TENM2: variants seen among roughly 807,000 people sequenced by gnomAD.
TENM2 encodes teneurin transmembrane protein 2.
In TENM2, 52 loss-of-function variants were observed where a neutral mutation model predicts 245.2. The ratio of observed to expected loss-of-function variants is 0.21; its 90% CI spans 0.17 to 0.27. TENM2 has a LOEUF of 0.27. TENM2 is among the 10% of genes least tolerant of loss of function. The pLI, the probability that TENM2 is intolerant of heterozygous loss-of-function variation, is 1.00. For synonymous variants in TENM2, 1,363 were observed against 1,438.9 expected (o/e 0.95, Z 1.19); for missense variants, 3,046 against 3,666.8 (o/e 0.83, Z 4.37).
At chr5:167,501,684 T>C (rs2127557294) in intron 2 of TENM2, among the ~76,000 whole-genome samples, 1 of 152,244 alleles carries the variant, frequency 6.6e-6, no homozygotes, top group African/African-American at 2.4e-5. Flanking sequence ...CTGAATCAGG[T>C]TGAGAAAGTG....
chr5:168,029,680 C>T (rs147762568), intron 5 of TENM2, among the ~76,000 whole-genome samples: 5 of 152,336 alleles, frequency 3.3e-5, no homozygotes, highest in African/African-American at 1.2e-4. Flanking sequence ...TCCTGTCATG[C>T]CACTTTGAGC....
intron 2 of TENM2, among the ~76,000 whole-genome samples, chr5:167,702,552 G>GTGTATATATATATATA (rs58351767): frequency 1.3e-4 from 18 of 136,774 alleles, no homozygotes; most frequent in South Asian, 1.1e-3. Context: ...GTGTGTGTGT[G>GTGTATATATATATATA]TATATATATA....
At chr5:167,909,237 G>A (rs1583337791) in intron 3 of TENM2, among the ~76,000 whole-genome samples, 1 of 152,000 alleles carries the variant, frequency 6.6e-6, no homozygotes, top group Non-Finnish European at 1.5e-5. Context: ...TCCTGTGTCC[G>A]AGTTTACAGT....
chr5:167,880,229 C>T (rs534936980), intron 3 of TENM2, among the ~76,000 whole-genome samples: 1 of 152,084 alleles, frequency 6.6e-6, no homozygotes, highest in African/African-American at 2.4e-5. Flanking sequence ...AATGGGGTTT[C>T]ACCATGTTGG....
chr5:167,533,808 A>T (rs1172619399), intron 2 of TENM2, among the ~76,000 whole-genome samples: 1 of 152,126 alleles, frequency 6.6e-6, no homozygotes, highest in Non-Finnish European at 1.5e-5. Context: ...AGGGGATGCA[A>T]CAGAAATGGA....
At chr5:167,562,233 G>T (rs2127642613) in intron 2 of TENM2, among the ~76,000 whole-genome samples, 1 of 152,262 alleles carries the variant, frequency 6.6e-6, no homozygotes, top group East Asian at 1.9e-4. Flanking sequence ...TAGGAAAATT[G>T]AACATAGAGA....
At chr5:168,069,858 T>C (rs248004) in intron 7 of TENM2, among the ~76,000 whole-genome samples, 34,565 of 152,100 alleles carry the variant, frequency 0.23, 4,261 homozygotes, top group Admixed American at 0.35. Flanking sequence ...GGGGATCTTC[T>C]TGAACGTGTC....
chr5:167,083,014 C>CAA, the TENM2 span, among the ~76,000 whole-genome samples: 25 of 143,204 alleles, frequency 1.7e-4, no homozygotes, highest in Middle Eastern at 3.5e-3. Context: ...ATGAAATTGG[C>CAA]AAAAAAAAAA....
chr5:167,343,698 A>T (rs779086180), intron 1 of TENM2, among the ~76,000 whole-genome samples: 98 of 152,332 alleles, frequency 6.4e-4, no homozygotes, highest in Non-Finnish European at 1.2e-3. Context: ...TTTTTAAAAA[A>T]ATGAATTAAC....
chr5:167,587,897 G>A (rs948245258), intron 2 of TENM2, among the ~76,000 whole-genome samples: 5 of 151,966 alleles, frequency 3.3e-5, no homozygotes, highest in Non-Finnish European at 7.4e-5. Flanking sequence ...TCCCCCCTTA[G>A]CCCGTGAGCC....
chr5:167,376,055 T>A (rs889348478), intron 2 of TENM2, among the ~76,000 whole-genome samples: 1 of 152,190 alleles, frequency 6.6e-6, no homozygotes, highest in East Asian at 1.9e-4. Flanking sequence ...AGGTTAATGG[T>A]TTCCCCCATC....
chr5:167,012,098 G>A, the TENM2 span, among the ~76,000 whole-genome samples: 1 of 152,060 alleles, frequency 6.6e-6, no homozygotes, highest in Non-Finnish European at 1.5e-5. Context: ...AGAACCTTAA[G>A]GGATTTTATT....
intron 3 of TENM2, among the ~76,000 whole-genome samples, chr5:167,917,711 T>C (rs1262043192): frequency 1.3e-5 from 2 of 152,134 alleles, no homozygotes; most frequent in African/African-American, 2.4e-5. Flanking sequence ...TACAAGTTCA[T>C]AGTTGAGTTG....
chr5:167,552,839 T>C (rs1465907519), intron 2 of TENM2, among the ~76,000 whole-genome samples: 1 of 152,210 alleles, frequency 6.6e-6, no homozygotes, highest in African/African-American at 2.4e-5. Context: ...GCATGAACTT[T>C]CTTCATTTGA....
the TENM2 span, among the ~76,000 whole-genome samples, chr5:167,098,315 G>A: frequency 9.2e-5 from 14 of 152,078 alleles, no homozygotes; most frequent in African/African-American, 3.4e-4. Context: ...CCATTTCTTC[G>A]TTTCTTGTTT....
the TENM2 span, among the ~76,000 whole-genome samples, chr5:167,275,327 T>G: frequency 6.6e-6 from 1 of 152,110 alleles, no homozygotes; most frequent in African/African-American, 2.4e-5. Flanking sequence ...TTTAAATAAT[T>G]GTTTTAGCTA....
chr5:166,987,862 A>G, the TENM2 span, among the ~76,000 whole-genome samples: 2 of 152,212 alleles, frequency 1.3e-5, no homozygotes, highest in East Asian at 3.9e-4. Flanking sequence ...GAAAATTTTC[A>G]AGCATTCCCC....
At chr5:167,166,830 G>A in the TENM2 span, among the ~76,000 whole-genome samples, 1 of 151,984 alleles carries the variant, frequency 6.6e-6, no homozygotes, top group Non-Finnish European at 1.5e-5. Flanking sequence ...TTTTGTTGGG[G>A]AGTGCAGAGC....
intron 2 of TENM2, among the ~76,000 whole-genome samples, chr5:167,529,738 A>G (rs771687053): frequency 9.2e-5 from 14 of 152,184 alleles, no homozygotes; most frequent in Non-Finnish European, 1.9e-4. Context: ...AATTTTACAG[A>G]TTCTTTAATA....
Sources: gnomAD v4.1 joint callset for allele counts (sites outside exome capture counted in the v4.1 genomes callset) on GRCh38, gnomAD v4.1.1 for gene constraint, MANE v1.5 for transcripts, NCBI Gene and HGNC (gene_info 2026-07-23, HGNC 2026-07-21) for gene names.